Variants in ATXN1 observed in about 807,000 individuals in gnomAD.
The protein encoded by ATXN1 is ataxin 1.
ATXN1 carries 8 observed loss-of-function variants against 56.4 expected under a neutral mutation model. The observed-to-expected ratio is 0.14, with a 90% CI of 0.08 to 0.26. The LOEUF is 0.26. Among genes scored for constraint, ATXN1 ranks in the 10% least tolerant of loss-of-function variants. The pLI, the probability that ATXN1 is intolerant of heterozygous loss-of-function variation, is 1.00. For missense variants in ATXN1, 987 were observed against 1,106.5 expected (o/e 0.89, Z 1.53); for synonymous variants, 514 against 494.6 (o/e 1.04, Z -0.52).
At chr6:16,531,026 G>A (rs1300499353) in intron 4 of ATXN1, among the ~76,000 whole-genome samples, 1 of 152,162 alleles carries the variant, frequency 6.6e-6, no homozygotes, top group Admixed American at 6.5e-5. Flanking sequence ...TGTATACATG[G>A]TCAAGGTATT....
intron 6 of ATXN1, among the ~76,000 whole-genome samples, chr6:16,376,604 A>T (rs1053543763): frequency 6.6e-6 from 1 of 152,238 alleles, no homozygotes; most frequent in Non-Finnish European, 1.5e-5. Flanking sequence ...GCAAAGGCAG[A>T]GGCAAATTAT....
At chr6:16,364,712 T>C (rs2113480577) in intron 6 of ATXN1, among the ~76,000 whole-genome samples, 1 of 152,340 alleles carries the variant, frequency 6.6e-6, no homozygotes, top group Non-Finnish European at 1.5e-5. Flanking sequence ...TAGAAAGCCA[T>C]AGAAATAAGC....
At chr6:16,371,151 C>T (rs1762032362) in intron 6 of ATXN1, among the ~76,000 whole-genome samples, 1 of 152,064 alleles carries the variant, frequency 6.6e-6, no homozygotes, top group South Asian at 2.1e-4. Flanking sequence ...ATACCATCGT[C>T]TAAGAATAGC....
intron 3 of ATXN1, among the ~76,000 whole-genome samples, chr6:16,619,441 A>G (rs1763278644): frequency 6.6e-6 from 1 of 152,228 alleles, no homozygotes; most frequent in Admixed American, 6.5e-5. Context: ...AGTGATGTAA[A>G]ACTTACGATA....
At chr6:16,426,705 A>C (rs1759163183) in intron 6 of ATXN1, among the ~76,000 whole-genome samples, 1 of 151,888 alleles carries the variant, frequency 6.6e-6, no homozygotes, top group African/African-American at 2.4e-5. Context: ...CACTTTAACC[A>C]AGCAGCCCCC....
intron 6 of ATXN1, among the ~76,000 whole-genome samples, chr6:16,443,208 CAAAAA>C (rs70999325): frequency 4.9e-5 from 2 of 40,764 alleles, no homozygotes; most frequent in Non-Finnish European, 8.4e-5. Flanking sequence ...TCTATTGGAG[CAAAAA>C]AAAAAAAAAA....
intron 1 of ATXN1, among the ~76,000 whole-genome samples, chr6:16,757,118 A>C (rs1283141876): frequency 2.0e-5 from 3 of 152,236 alleles, no homozygotes; most frequent in Non-Finnish European, 1.5e-5. Context: ...ACTTACAGGC[A>C]TTTGACATGT....
At chr6:16,595,708 C>A (rs1486476966) in intron 3 of ATXN1, among the ~76,000 whole-genome samples, 1 of 152,220 alleles carries the variant, frequency 6.6e-6, no homozygotes. Context: ...GAGAGACTTT[C>A]ACCTGTACGA....
chr6:16,451,392 G>T (rs550541857), intron 6 of ATXN1, among the ~76,000 whole-genome samples: 4 of 152,346 alleles, frequency 2.6e-5, no homozygotes, highest in African/African-American at 9.6e-5. Flanking sequence ...TTGAACCCGA[G>T]GGCCAGAGTT....
At chr6:16,744,655 T>C (rs1760465405) in intron 2 of ATXN1, among the ~76,000 whole-genome samples, 1 of 151,890 alleles carries the variant, frequency 6.6e-6, no homozygotes, top group African/African-American at 2.4e-5. Flanking sequence ...CCCTTGGAAA[T>C]AGAAAGACTG....
At chr6:16,557,504 A>G (rs1201062139) in intron 4 of ATXN1, among the ~76,000 whole-genome samples, 1 of 152,166 alleles carries the variant, frequency 6.6e-6, no homozygotes, top group Non-Finnish European at 1.5e-5. Flanking sequence ...CAAAAATACA[A>G]ATTAGAAAGC....
intron 3 of ATXN1, among the ~76,000 whole-genome samples, chr6:16,646,664 T>TC (rs1207654425): frequency 6.6e-6 from 1 of 152,246 alleles, no homozygotes; most frequent in Non-Finnish European, 1.5e-5. Context: ...AATGCCTTGC[T>TC]CCCAGCTCTG....
chr6:16,477,041 G>A (rs1760340027), intron 6 of ATXN1, among the ~76,000 whole-genome samples: 1 of 151,276 alleles, frequency 6.6e-6, no homozygotes, highest in Non-Finnish European at 1.5e-5. Flanking sequence ...CAATGCATAC[G>A]TCATACTTCC....
At chr6:16,621,408 T>C (rs114468123) in intron 3 of ATXN1, among the ~76,000 whole-genome samples, 260 of 152,276 alleles carry the variant, frequency 1.7e-3, no homozygotes, top group African/African-American at 5.9e-3. Context: ...CACAACTATT[T>C]ATCAAAAAGG....
intron 6 of ATXN1, among the ~76,000 whole-genome samples, chr6:16,386,153 A>C (rs1581728279): frequency 1.3e-5 from 2 of 152,220 alleles, no homozygotes; most frequent in African/African-American, 4.8e-5. Flanking sequence ...TCCAGCAAAG[A>C]AGCCACAATT....
intron 1 of ATXN1, among the ~76,000 whole-genome samples, chr6:16,758,864 G>C (rs909441742): frequency 1.3e-5 from 2 of 152,194 alleles, no homozygotes; most frequent in African/African-American, 4.8e-5. Context: ...CACAGTGAGA[G>C]GGCAATCAGA....
intron 3 of ATXN1, among the ~76,000 whole-genome samples, chr6:16,617,968 T>G (rs1254804157): frequency 6.6e-6 from 1 of 151,264 alleles, no homozygotes; most frequent in African/African-American, 2.4e-5. Flanking sequence ...AAATATAAAC[T>G]ATGAGATAAT....
chr6:16,303,095 T>G lies in ATXN1; in HGVS notation c.*3234A>C, dbSNP rs1407918081. On this transcript the variant is annotated 3_prime_UTR_variant, in exon 8 of 8. Coordinates refer to ENST00000436367, the MANE Select transcript of ATXN1 (RefSeq NM_001128164.2). The surrounding 1 kb of genome is among the most constrained non-coding windows in gnomAD (Gnocchi z 4.3). ...ACGCACACACACAACAGGCCACACT[T>G]CCCGTCCAGGCTCAGAGGCAGGGCT... 6.5e-6 allele frequency: 1 copy of G among 152,710 alleles called. No homozygotes were observed. The highest frequency in any genetic ancestry group is 1.5e-5 in the Non-Finnish European group (1 of 68,166). 9.5% of individuals were successfully genotyped at this position (152,710 alleles called of 1,614,324 possible).
At chr6:16,726,436 T>C (rs551066566) in intron 2 of ATXN1, among the ~76,000 whole-genome samples, 6 of 150,946 alleles carry the variant, frequency 4.0e-5, no homozygotes, top group Non-Finnish European at 7.4e-5. Flanking sequence ...CATTAAGAGA[T>C]TTTCATATGT....
Sources: allele counts gnomAD v4.1 joint callset (sites outside exome capture counted in the v4.1 genomes callset), GRCh38; gene constraint gnomAD v4.1.1; non-coding constraint Gnocchi (gnomAD v3.1); transcripts MANE v1.5; gene names NCBI Gene and HGNC (gene_info 2026-07-23, HGNC 2026-07-21).